TLL2: variants seen among roughly 807,000 people sequenced by gnomAD.
TLL2 encodes the protein tolloid like 2.
In TLL2, 106 loss-of-function variants were observed where a neutral mutation model predicts 123.0. That is an observed-to-expected ratio of 0.86 (90% CI 0.74 to 1.01). The LOEUF is 1.01. TLL2 is among the 50% of genes least tolerant of loss of function. TLL2 has a pLI of 0.00. For missense variants in TLL2, 1,332 were observed against 1,336.7 expected (o/e 1.00, Z 0.06); for synonymous variants, 494 against 516.8 (o/e 0.96, Z 0.60).
chr10:96,373,393 G>A (rs1846102942), intron 19 of TLL2: 18 of 511,448 alleles, frequency 3.5e-5, no homozygotes, highest in Non-Finnish European at 5.6e-5. Context: ...CGCCTGCCTC[G>A]GCCTCCCAAA....
intron 2 of TLL2, among the ~76,000 whole-genome samples, chr10:96,447,003 TGAA>T (rs1013509159): frequency 6.6e-6 from 1 of 152,316 alleles, no homozygotes; most frequent in African/African-American, 2.4e-5. Context: ...GAAAATGCTC[TGAA>T]GAAGATCAAA....
At chr10:96,388,462 G>A (rs530970880) in intron 13 of TLL2, among the ~76,000 whole-genome samples, 1 of 152,284 alleles carries the variant, frequency 6.6e-6, no homozygotes, top group South Asian at 2.1e-4. Context: ...CAAACTAAAA[G>A]AAATTAAGAA....
intron 2 of TLL2, among the ~76,000 whole-genome samples, chr10:96,450,633 T>C (rs1846948749): frequency 6.6e-6 from 1 of 152,198 alleles, no homozygotes; most frequent in Non-Finnish European, 1.5e-5. Flanking sequence ...GCAAAAGCCA[T>C]GTCTCACATC....
At chr10:96,435,714 A>G (rs905036270) in intron 3 of TLL2, among the ~76,000 whole-genome samples, 1 of 152,214 alleles carries the variant, frequency 6.6e-6, no homozygotes, top group Non-Finnish European at 1.5e-5. Context: ...TGTAGAAAAG[A>G]CTAGTTTTTC....
intron 2 of TLL2, among the ~76,000 whole-genome samples, chr10:96,449,692 C>A (rs994017762): frequency 6.6e-6 from 1 of 152,172 alleles, no homozygotes; most frequent in Non-Finnish European, 1.5e-5. Flanking sequence ...GCCCTGCCAG[C>A]CTGCTCCACA....
At chr10:96,494,137 GAC>G (rs964065497) in intron 1 of TLL2, among the ~76,000 whole-genome samples, 1 of 152,210 alleles carries the variant, frequency 6.6e-6, no homozygotes, top group African/African-American at 2.4e-5. Flanking sequence ...GCTTTCAAGG[GAC>G]AGAGTGCAGG....
At chr10:96,434,659 C>T (rs1846775742) in intron 3 of TLL2, among the ~76,000 whole-genome samples, 1 of 152,222 alleles carries the variant, frequency 6.6e-6, no homozygotes, top group Admixed American at 6.5e-5. Context: ...TTCATATACA[C>T]ATTTTTGTGG....
chr10:96,423,762 A>C (rs561243166), intron 5 of TLL2, among the ~76,000 whole-genome samples: 7 of 152,288 alleles, frequency 4.6e-5, no homozygotes, highest in Non-Finnish European at 8.8e-5. Context: ...TTATATACTC[A>C]CTAGTAAGAT....
chr10:96,432,159 C>A (rs2134080723), intron 4 of TLL2, among the ~76,000 whole-genome samples: 1 of 152,282 alleles, frequency 6.6e-6, no homozygotes, highest in East Asian at 1.9e-4. Flanking sequence ...ATATCAGATA[C>A]ATACTAATTA....
At chr10:96,386,598 G>C (rs1222664386) in intron 14 of TLL2, among the ~76,000 whole-genome samples, 1 of 152,220 alleles carries the variant, frequency 6.6e-6, no homozygotes, top group Non-Finnish European at 1.5e-5. Flanking sequence ...ACACAAGCCA[G>C]GTAGAAATAG....
At chr10:96,463,025 G>A (rs1847095022) in intron 2 of TLL2, among the ~76,000 whole-genome samples, 1 of 152,238 alleles carries the variant, frequency 6.6e-6, no homozygotes, top group African/African-American at 2.4e-5. Flanking sequence ...CTTTGCACAT[G>A]TCTGTGAATA....
intron 9 of TLL2, among the ~76,000 whole-genome samples, chr10:96,409,554 G>T (rs144658723): frequency 6.6e-6 from 1 of 152,254 alleles, no homozygotes; most frequent in South Asian, 2.1e-4. Flanking sequence ...TTGACTTTTG[G>T]CACTTTCCTT....
Position 96,422,734 on chromosome 10 carries a change from A to G in TLL2, c.639-7T>C, listed in dbSNP as rs778696009. On this transcript the variant is annotated splice_polypyrimidine_tract_variant and splice_region_variant and intron_variant, in intron 5 of 20. Transcript: ENST00000357947. ...CCCAACATAGGAGCAACAGCTGGAC[A>G]ATTGCAGGAATACCCAGGTCAGCAG... 3.7e-6 allele frequency: 6 copies of G among 1,614,110 alleles called. No individual in the cohort carries two copies. The South Asian group carries it at 6.6e-5, about 18-fold the overall frequency.
At chr10:96,395,092 G>T in intron 13 of TLL2, 95 bp downstream of exon 13, 1 of 1,309,884 alleles carries the variant, frequency 7.6e-7, no homozygotes, top group Non-Finnish European at 1.0e-6. Context: ...AGCCTTGTTT[G>T]GTGGTAAGCT....
chr10:96,402,653 G>A (rs112575536), intron 10 of TLL2, among the ~76,000 whole-genome samples: 5 of 152,152 alleles, frequency 3.3e-5, no homozygotes, highest in Non-Finnish European at 7.4e-5. Flanking sequence ...TGCAGTAGAC[G>A]TGCTCCTGTC....
At chr10:96,456,496 A>G (rs960966026) in intron 2 of TLL2, among the ~76,000 whole-genome samples, 2 of 152,170 alleles carry the variant, frequency 1.3e-5, no homozygotes, top group African/African-American at 4.8e-5. Context: ...CTGCCTCCCC[A>G]GGGTAACTCC....
intron 19 of TLL2, among the ~76,000 whole-genome samples, chr10:96,372,814 C>T (rs545127059): frequency 1.3e-5 from 2 of 152,238 alleles, no homozygotes; most frequent in African/African-American, 4.8e-5. Flanking sequence ...GCTTCGGCCT[C>T]CAGGGTAGCT....
At chr10:96,426,122 T>A (rs922435766) in intron 5 of TLL2, among the ~76,000 whole-genome samples, 4 of 152,118 alleles carry the variant, frequency 2.6e-5, no homozygotes, top group African/African-American at 9.6e-5. Context: ...AGGTGCCTTT[T>A]AGCATCTATT....
chr10:96,432,832 G>A lies in TLL2; in HGVS notation c.495C>T (p.Pro165=), dbSNP rs532896810. Residue 165 remains proline, a synonymous_variant, in exon 4 of 21, where the codon CCC becomes CCT. Transcript: ENST00000357947. The part of the protein sequence containing the change: ...TERIWPGGVI[P]YVIGGNFTGS... ...CAGTGAAGTTCCCTCCAATGACGTA[G>A]GGGATGACTCCTCCAGGCCATATCC... is the stretch of plus-strand genomic sequence containing the variant. 1.2e-6 allele frequency: 2 copies of A among 1,614,108 alleles called. No homozygotes were observed. The highest frequency in any genetic ancestry group is 4.5e-5 in the East Asian group (2 of 44,864).
Sources: allele counts gnomAD v4.1 joint callset (sites outside exome capture counted in the v4.1 genomes callset), GRCh38; gene constraint gnomAD v4.1.1; transcripts MANE v1.5; gene names NCBI Gene and HGNC (gene_info 2026-07-23, HGNC 2026-07-21).